The following NOXA1 variants were observed in gnomAD, a reference collection of about 807,000 sequenced individuals.
NOXA1 encodes the protein NADPH oxidase activator 1.
In NOXA1, 56 loss-of-function variants were observed where a neutral mutation model predicts 64.8. The observed-to-expected ratio is 0.86, with a 90% CI of 0.70 to 1.08. The LOEUF (loss-of-function observed/expected upper bound fraction) is 1.08, where lower values mean the gene tolerates loss of function less well. Among genes scored for constraint, NOXA1 ranks in the 50% least tolerant of loss-of-function variants. The pLI is 0.00. For missense variants in NOXA1, 668 were observed against 658.5 expected, an observed-to-expected ratio of 1.01 and a Z score of -0.16; for synonymous variants, 295 against 294.8, an observed-to-expected ratio of 1.00 and a Z score of -0.01.
At chr9:137,432,278 T>TGAAAA (rs1410283327) in intron 8 of NOXA1, among the ~76,000 whole-genome samples, 2 of 110,302 alleles carry the variant, frequency 1.8e-5, no homozygotes, top group African/African-American at 3.9e-5. Context: ...AGACCCTGTC[T>TGAAAA]CAAAAAAAAA....
Position 137,434,032 on chromosome 9 carries a change from A to C in NOXA1, c.1247A>C (p.Glu416Ala). The C allele has an allele frequency of 6.4e-7, 1 of 1,574,518 alleles. No individual in the cohort carries two copies. Among genetic ancestry groups the C allele is most frequent in the Non-Finnish European group, 8.6e-7 (1 of 1,164,970 alleles). The change falls in exon 13 of 14, where the codon GAG becomes GCG. Residue 416 changes from glutamate (E) to alanine (A), a missense_variant. Transcript: ENST00000683555. ...CACAGCTACTCCGCCCAGGGGCCAGAGGACCTGGGCTTCCGACAGGGGGAC... is the reference window on the plus strand; with the variant it reads ...CACAGCTACTCCGCCCAGGGGCCAGCGGACCTGGGCTTCCGACAGGGGGAC... ...AQHSYSAQGP[E>A]DLGFRQGDTV...
At chr9:137,427,083 C>A (rs960678620) in intron 2 of NOXA1, among the ~76,000 whole-genome samples, 1 of 152,194 alleles carries the variant, frequency 6.6e-6, no homozygotes, top group Non-Finnish European at 1.5e-5. Flanking sequence ...AGGAATGAGC[C>A]ACCTCGCCCA....
At position 137,431,043 on chromosome 9, in the gene NOXA1, A is replaced by G. The variant is rs369800667; in HGVS notation, c.673-32A>G. 7.4e-6 allele frequency: 12 copies of G among 1,613,048 alleles called. No individual in the cohort carries two copies. The African/African-American group carries it at 1.5e-4, about 20-fold the overall frequency. The stretch of plus-strand genomic sequence containing the variant: ...GAGGGAGGGCGGCCCCCGACCCTTA[A>G]CCAGAGCGAGGTTGTTGCTTTGTGT... On this transcript the variant is annotated intron_variant, in intron 6 of 13. Coordinates refer to ENST00000683555, the MANE Select transcript of NOXA1 (RefSeq NM_001256067.2). The surrounding 1 kb of genome is among the most constrained non-coding windows in gnomAD (Gnocchi z 5.6).
chr9:137,428,813 G>T, intron 3 of NOXA1, 69 bp from the exon 4 acceptor site: 1 of 1,478,322 alleles, frequency 6.8e-7, no homozygotes, highest in Admixed American at 2.1e-5. Flanking sequence ...GGAGGAGCTG[G>T]GTGGGGGAAC....
At chr9:137,424,462 G>A (rs7029411) in intron 1 of NOXA1, among the ~76,000 whole-genome samples, 2,186 of 152,288 alleles carry the variant, frequency 0.014, 50 homozygotes, top group African/African-American at 0.05. Flanking sequence ...CAAAGATGGA[G>A]TCTCGTTCTG....
In NOXA1 at chr9:137,433,430, C is replaced by T. The variant is rs201382677; in HGVS notation, c.910-23C>T. The T allele has an allele frequency of 2.4e-3, 3,877 of 1,584,278 alleles. 4 individuals carry two copies. Among genetic ancestry groups the T allele is most frequent in the Non-Finnish European group, 2.8e-3 (3,295 of 1,167,854 alleles). ...AGGCCCTGGGCCTCAGCGACCACCC[C>T]TCCCCCTCCTGCCTGGACCCAGGGA... On this transcript the variant is annotated intron_variant, in intron 10 of 13. Transcript: ENST00000683555.
At position 137,433,955 on chromosome 9, in the gene NOXA1, C is replaced by T; in HGVS notation, c.1180-10C>T. 1 of 1,541,414 alleles carries T rather than the reference C, an allele frequency of 6.5e-7. No homozygotes were observed. The highest frequency in any genetic ancestry group is 8.7e-7 in the Non-Finnish European group (1 of 1,145,694). On this transcript the variant is annotated splice_polypyrimidine_tract_variant and intron_variant, in intron 12 of 13. Transcript: ENST00000683555. ...CCCGGCCCGACCTGCAGCCCACTCT[C>T]CTGCCTCAGGGAGCCGGGGGTCGGC...
rs1342677510 is a variant in NOXA1, at chr9:137,429,769, CG to C, written c.612+393del. On this transcript the variant is annotated intron_variant, in intron 5 of 13. Coordinates refer to ENST00000683555, the MANE Select transcript of NOXA1 (RefSeq NM_001256067.2). Reference sequence around the variant, plus strand: ...GTCCCTGCCACAGACAGCGAGGTCCCGGGGGGGTCCCTGCGTCCCTGCCACA... The same window carrying C: ...GTCCCTGCCACAGACAGCGAGGTCCCGGGGGGTCCCTGCGTCCCTGCCACA... Among the ~76,000 whole-genome samples, 8 of 139,386 alleles carry C rather than the reference CG, an allele frequency of 5.7e-5. No individual in the cohort carries two copies. The Admixed American group carries it at 5.9e-4, about 10-fold the overall frequency. 91.4% of individuals were successfully genotyped at this position (139,386 alleles called of 152,430 possible). A position where few individuals can be genotyped will look rare whatever the true frequency, so the allele number is the denominator to read the frequency against.
intron 4 of NOXA1, 24 bp downstream of exon 4, chr9:137,429,040 G>A (rs1336291329): frequency 6.6e-7 from 1 of 1,515,704 alleles, no homozygotes; most frequent in African/African-American, 1.4e-5. Context: ...GCCCGGTCAT[G>A]GTTTTGGGCT....
intron 8 of NOXA1, among the ~76,000 whole-genome samples, chr9:137,432,191 G>A (rs999800726): frequency 2.0e-5 from 3 of 150,928 alleles, no homozygotes; most frequent in Non-Finnish European, 4.4e-5. Flanking sequence ...GAGGTGGAAG[G>A]ATTGCTTGAG....
At chr9:137,427,480 A>G (rs1838887694) in intron 2 of NOXA1, among the ~76,000 whole-genome samples, 2 of 152,266 alleles carry the variant, frequency 1.3e-5, no homozygotes. Flanking sequence ...AGATGAACGA[A>G]AAAGCCATCT....
intron 5 of NOXA1, among the ~76,000 whole-genome samples, chr9:137,430,225 C>T (rs1427558203): frequency 2.0e-5 from 3 of 152,134 alleles, no homozygotes; most frequent in South Asian, 2.1e-4. Flanking sequence ...GGCCACGTCA[C>T]GCCCACACTT....
intron 1 of NOXA1, among the ~76,000 whole-genome samples, chr9:137,424,915 T>C (rs1838783158): frequency 6.6e-6 from 1 of 152,150 alleles, no homozygotes; most frequent in African/African-American, 2.4e-5. Flanking sequence ...AGCATATGCA[T>C]GTTAGGAATA....
In NOXA1 at chr9:137,433,842, G is replaced by A; in HGVS notation, c.1157G>A (p.Arg386Lys). 6.9e-7 allele frequency: 1 copy of A among 1,450,868 alleles called. No homozygotes were observed. Among genetic ancestry groups the A allele is most frequent in the South Asian group, 1.5e-5 (1 of 68,260 alleles). 89.9% of individuals were successfully genotyped at this position (1,450,868 alleles called of 1,614,324 possible). ...RAWQDAAACP[R>K]GLQLQCRGAG... is the part of the protein sequence containing the mutation. ...TGGCAGGACGCAGCTGCCTGCCCCA[G>A]GGGGCTGCAGCTGCAGTGCAGGGTG... The change falls in exon 12 of 14, where the codon AGG becomes AAG. Residue 386 changes from arginine to lysine, a missense_variant. Physicochemically the swap from Arg to Lys is conservative, Grantham distance 26. Coordinates refer to ENST00000683555, the MANE Select transcript of NOXA1 (RefSeq NM_001256067.2).
In NOXA1 at chr9:137,434,359, A is replaced by G; in HGVS notation, c.1430A>G (p.Ter477=). The G allele has an allele frequency of 6.3e-7, 1 of 1,587,016 alleles. No individual in the cohort carries two copies. Among genetic ancestry groups the G allele is most frequent in the Non-Finnish European group, 8.6e-7 (1 of 1,166,478 alleles). ...LPRSQQGDQP[*] ...CGATCCCAGCAGGGAGATCAGCCCT[A>G]ATGATGCTGTGTCCATGATGCTTTT... Residue 477 remains the stop codon, a stop_retained_variant, in exon 14 of 14, where the codon TAA becomes TGA. Transcript: ENST00000683555.
intron 3 of NOXA1, 102 bp from the exon 4 acceptor site, chr9:137,428,780 A>C: frequency 4.8e-6 from 4 of 826,924 alleles, no homozygotes; most frequent in East Asian, 4.5e-5. Flanking sequence ...GGACTGGGGG[A>C]GGGGCTGGGT....
intron 3 of NOXA1, 70 bp from the exon 4 acceptor site, chr9:137,428,812 G>T: frequency 1.4e-6 from 2 of 1,474,866 alleles, no homozygotes; most frequent in Non-Finnish European, 9.0e-7. Flanking sequence ...GGGAGGAGCT[G>T]GGTGGGGGAA....
At chr9:137,427,556 G>A (rs958013819) in intron 2 of NOXA1, among the ~76,000 whole-genome samples, 6 of 152,226 alleles carry the variant, frequency 3.9e-5, no homozygotes, top group African/African-American at 1.2e-4. Context: ...TCTGGATTAC[G>A]ATCCAGACCC....
chr9:137,428,263 T>G, intron 3 of NOXA1, 122 bp downstream of exon 3: 1 of 680,390 alleles, frequency 1.5e-6, no homozygotes, highest in Non-Finnish European at 2.5e-6. Context: ...TGCCATGGAA[T>G]ACCCTGGCCA....
Sources: allele counts gnomAD v4.1 joint callset (sites outside exome capture counted in the v4.1 genomes callset), GRCh38; gene constraint gnomAD v4.1.1; non-coding constraint Gnocchi (gnomAD v3.1); transcripts MANE v1.5; gene names NCBI Gene and HGNC (gene_info 2026-07-23, HGNC 2026-07-21).